Variants in ZCCHC4 observed in about 807,000 individuals in gnomAD.
The protein encoded by ZCCHC4 is rRNA N(6)-adenosine-methyltransferase ZCCHC4.
ZCCHC4 carries 54 observed loss-of-function variants against 67.7 expected under a neutral mutation model. That is an observed-to-expected ratio of 0.80 (90% CI 0.64 to 1.00). The LOEUF (loss-of-function observed/expected upper bound fraction) is 1.00, where lower values mean the gene tolerates loss of function less well. Among genes scored for constraint, ZCCHC4 ranks in the 50% least tolerant of loss-of-function variants. The pLI is 0.00. For synonymous variants in ZCCHC4, 198 were observed against 213.5 expected (o/e 0.93, Z 0.63); for missense variants, 609 against 617.0 (o/e 0.99, Z 0.14).
intron 5 of ZCCHC4, among the ~76,000 whole-genome samples, chr4:25,341,877 A>G (rs73254151): frequency 0.041 from 6,175 of 152,206 alleles, 142 homozygotes; most frequent in African/African-American, 0.063. Flanking sequence ...CCCCTTAGCT[A>G]TTTCACCTTT....
At chr4:25,367,677 C>G (rs1721006050) in intron 12 of ZCCHC4, among the ~76,000 whole-genome samples, 1 of 152,134 alleles carries the variant, frequency 6.6e-6, no homozygotes, top group Non-Finnish European at 1.5e-5. Flanking sequence ...TTCAATCCTA[C>G]TCCTTCTGTA....
At chr4:25,330,944 G>A (rs556826105) in intron 3 of ZCCHC4, among the ~76,000 whole-genome samples, 13 of 152,252 alleles carry the variant, frequency 8.5e-5, no homozygotes, top group African/African-American at 2.6e-4. Context: ...AGTCTGGAGC[G>A]TTTTTTCTCT....
chr4:25,341,343 T>G (rs745752060), intron 5 of ZCCHC4, among the ~76,000 whole-genome samples: 176 of 152,148 alleles, frequency 1.2e-3, no homozygotes, highest in Non-Finnish European at 1.7e-3. Flanking sequence ...ATGGGGTTGA[T>G]TCCCCATAAA....
Position 25,315,322 on chromosome 4 carries a change from C to G in ZCCHC4, c.251C>G (p.Ser84Ter), listed in dbSNP as rs773738333. The change falls in exon 3 of 13, where the codon TCA becomes TGA. Residue 84 changes from serine (S) to a stop codon, truncating the protein, a stop_gained. Transcript: ENST00000302874. LOFTEE classifies it high-confidence loss of function. ...NFFQWEDEKL[S>*]GARLAAREAH... ...GGGTTTTGTACTCTCTTTCAGTTGT[C>G]AGGAGCTAGACTTGCTGCCCGAGAA... 1 of 1,611,600 alleles carries G rather than the reference C, an allele frequency of 6.2e-7. No homozygotes were observed. The highest frequency in any genetic ancestry group is 2.2e-5 in the East Asian group (1 of 44,778).
intron 5 of ZCCHC4, among the ~76,000 whole-genome samples, chr4:25,335,106 C>A (rs1719386050): frequency 6.6e-6 from 1 of 152,186 alleles, no homozygotes; most frequent in Non-Finnish European, 1.5e-5. Context: ...CAGACATGAG[C>A]CACCAAGCAC....
intron 12 of ZCCHC4, chr4:25,365,609 C>T: frequency 1.0e-6 from 1 of 986,296 alleles, no homozygotes; most frequent in Non-Finnish European, 1.2e-6. Context: ...TGTGAGAAAG[C>T]TATTTCTTTG....
At chr4:25,327,233 A>G (rs960033414) in intron 3 of ZCCHC4, among the ~76,000 whole-genome samples, 2 of 152,198 alleles carry the variant, frequency 1.3e-5, no homozygotes, top group African/African-American at 4.8e-5. Context: ...GTCGAGTAGA[A>G]GGCTGAGAGC....
chr4:25,319,562 C>G (rs1214260321), intron 3 of ZCCHC4, among the ~76,000 whole-genome samples: 4 of 152,098 alleles, frequency 2.6e-5, no homozygotes, highest in African/African-American at 9.7e-5. Flanking sequence ...ATCAATGTTC[C>G]TATGCTTTAT....
intron 5 of ZCCHC4, among the ~76,000 whole-genome samples, chr4:25,340,119 C>T (rs113668667): frequency 0.01 from 1,556 of 152,220 alleles, 34 homozygotes; most frequent in African/African-American, 0.036. Context: ...CCACCCGCCT[C>T]GGCCTCCCAA....
intron 3 of ZCCHC4, among the ~76,000 whole-genome samples, chr4:25,323,160 T>C (rs1323725743): frequency 6.6e-6 from 1 of 152,258 alleles, no homozygotes; most frequent in African/African-American, 2.4e-5. Flanking sequence ...TAACTGATGA[T>C]CATTGCCCAG....
At chr4:25,358,357 G>A (rs547582046) in intron 8 of ZCCHC4, among the ~76,000 whole-genome samples, 1 of 152,224 alleles carries the variant, frequency 6.6e-6, no homozygotes, top group East Asian at 1.9e-4. Flanking sequence ...ATGACACAGA[G>A]CAAATTTCAC....
chr4:25,332,886 A>G (rs1719255994), intron 3 of ZCCHC4, among the ~76,000 whole-genome samples: 3 of 152,202 alleles, frequency 2.0e-5, no homozygotes, highest in Non-Finnish European at 2.9e-5. Flanking sequence ...TGTCATTACT[A>G]CTAAGTTGTT....
At chr4:25,350,322 A>G (rs1720243391) in intron 7 of ZCCHC4, among the ~76,000 whole-genome samples, 1 of 130,428 alleles carries the variant, frequency 7.7e-6, no homozygotes, top group Admixed American at 9.2e-5. Flanking sequence ...GTGCAGTGGT[A>G]CAATCTCGGC....
rs752113236 is a variant in ZCCHC4 at position 25,342,027 on chromosome 4, T to G, written c.687-3521T>G. Among the ~76,000 whole-genome samples, 16 of 152,250 alleles carry G rather than the reference T, an allele frequency of 1.1e-4. 1 individual carries two copies. Among genetic ancestry groups the G allele is most frequent in the Non-Finnish European group, 2.1e-4 (14 of 68,044 alleles). On this transcript the variant is annotated intron_variant, in intron 5 of 12. Coordinates refer to ENST00000302874, the MANE Select transcript of ZCCHC4 (RefSeq NM_024936.3). ...ACTTTTTTTTCATGCTTATAAACTTTTGTGTGTGCCTTGCAAACAAAAACT... is the reference window on the plus strand; with the variant it reads ...ACTTTTTTTTCATGCTTATAAACTTGTGTGTGTGCCTTGCAAACAAAAACT...
intron 5 of ZCCHC4, among the ~76,000 whole-genome samples, chr4:25,345,317 A>G (rs779938752): frequency 1.3e-5 from 2 of 152,202 alleles, no homozygotes. Flanking sequence ...TGTGTTTTAT[A>G]TATGAGTATT....
Position 25,351,603 on chromosome 4 carries a change from G to T in ZCCHC4, c.925G>T (p.Glu309Ter), listed in dbSNP as rs776797550. 9 of 1,609,330 alleles carry T rather than the reference G, an allele frequency of 5.6e-6. No individual in the cohort carries two copies. In the South Asian group the frequency reaches 1.0e-4, roughly 18 times the overall value. ...EGQSQDDSHKELPIFWIFPYF... is the reference protein window; with the variant it reads ...EGQSQDDSHK ...TGATCCATTAGATGACAGTCACAAAGAACTACCCATTTTCTGGATTTTCCC... is the reference window on the plus strand; with the variant it reads ...TGATCCATTAGATGACAGTCACAAATAACTACCCATTTTCTGGATTTTCCC... Residue 309 changes from glutamate to a stop codon, truncating the protein, a stop_gained, in exon 8 of 13, where the codon GAA becomes TAA. Transcript: ENST00000302874. LOFTEE classifies it high-confidence loss of function.
intron 3 of ZCCHC4, among the ~76,000 whole-genome samples, chr4:25,326,711 T>G (rs777824008): frequency 1.4e-4 from 21 of 152,300 alleles, no homozygotes; most frequent in Non-Finnish European, 3.1e-4. Flanking sequence ...TGAATGAGGT[T>G]TTCAGTTTCT....
Position 25,314,078 on chromosome 4 carries a change from G to A in ZCCHC4, c.160G>A (p.Gly54Arg), listed in dbSNP as rs754108386. 5.0e-6 allele frequency: 8 copies of A among 1,606,536 alleles called. No homozygotes were observed. In the African/African-American group the frequency reaches 1.1e-4, roughly 22 times the overall value. The change falls in exon 2 of 13, where the codon GGG becomes AGG. Residue 54 changes from glycine (G) to arginine (R), a missense_variant. Transcript: ENST00000302874. The part of the protein sequence containing the change: ...PTLLFVKVTQ[G>R]KEETRRFYAC... ...TCTTCTGTTTGTAAAGGTGACCCAA[G>A]GGAAAGAAGAAACTCGGAGGTTTTA...
rs1365980007 is a variant in ZCCHC4 at position 25,364,307 on chromosome 4, G to A, written c.1210-147G>A. On this transcript the variant is annotated intron_variant, in intron 10 of 12. Coordinates refer to ENST00000302874, the MANE Select transcript of ZCCHC4 (RefSeq NM_024936.3). ...GAGAAATGCATAAATTAAAATCAAA[G>A]TATCTAATTGTGAAGCCCAGAAAAG... 8 of 523,086 alleles carry A rather than the reference G, an allele frequency of 1.5e-5. No homozygotes were observed. The African/African-American group carries it at 1.6e-4, about 10-fold the overall frequency. The allele number at this position is 523,086 out of a possible 1,614,324, so 32.4% of individuals were successfully genotyped here. A position where few individuals can be genotyped will look rare whatever the true frequency, so the allele number is the denominator to read the frequency against.
Sources: allele counts gnomAD v4.1 joint callset (sites outside exome capture counted in the v4.1 genomes callset), GRCh38; gene constraint gnomAD v4.1.1; transcripts MANE v1.5; gene names NCBI Gene and HGNC (gene_info 2026-07-23, HGNC 2026-07-21).